TNIK: variants seen among roughly 807,000 people sequenced by gnomAD.
TNIK encodes TRAF2 and NCK-interacting protein kinase.
Under a neutral mutation model 191.3 loss-of-function variants are expected in TNIK, and 49 were observed. The ratio of observed to expected loss-of-function variants is 0.26; its 90% confidence interval spans 0.20 to 0.32. The LOEUF (loss-of-function observed/expected upper bound fraction) is 0.32. TNIK is among the 10% of genes least tolerant of loss of function. The probability of loss-of-function intolerance (pLI) is 1.00; values close to 1 mark genes in which losing one functional copy is unlikely to be tolerated. For synonymous variants in TNIK, 594 were observed against 600.9 expected (o/e 0.99, Z 0.17); for missense variants, 1,155 against 1,702.3 (o/e 0.68, Z 5.66).
At chr3:171,340,118 TG>T in intron 2 of TNIK, among the ~76,000 whole-genome samples, 1 of 152,264 alleles carries the variant, frequency 6.6e-6, no homozygotes, top group South Asian at 2.1e-4. Context: ...TTTGATGACA[TG>T]AAAAAAATGC....
intron 1 of TNIK, among the ~76,000 whole-genome samples, chr3:171,376,743 A>AGAT (rs1204046680): frequency 6.9e-6 from 1 of 143,986 alleles, no homozygotes; most frequent in African/African-American, 2.5e-5. Context: ...ATAGATAGAT[A>AGAT]GATGATAGAT....
chr3:171,434,927 TA>T (rs910619820), intron 1 of TNIK, among the ~76,000 whole-genome samples: 8 of 151,338 alleles, frequency 5.3e-5, no homozygotes, highest in Non-Finnish European at 7.4e-5. Context: ...CAACTGCAAG[TA>T]AAAAAAAACA....
chr3:171,369,485 A>C (rs918443334), intron 2 of TNIK, 135 bp downstream of exon 2: 3 of 553,826 alleles, frequency 5.4e-6, no homozygotes, highest in African/African-American at 1.9e-5. Context: ...TAAAAGATGG[A>C]GAGTCAATCA....
chr3:171,369,659 C>T lies in TNIK; in HGVS notation c.84G>A (p.Val28=), dbSNP rs902712497. The T allele has an allele frequency of 3.4e-5, 54 of 1,575,292 alleles. No homozygotes were observed. Among genetic ancestry groups the T allele is most frequent in the Non-Finnish European group, 4.3e-5 (50 of 1,159,388 alleles). ...CGTATGTTCCATTTCCAACAAGTTC[C>T]ACCAATTCAAAGATCCCTGCGGGGT... ...LRDPAGIFEL[V]ELVGNGTYGQ... The change falls in exon 2 of 33, where the codon GTG becomes GTA. Residue 28 remains valine, a synonymous_variant. Coordinates refer to ENST00000436636, the MANE Select transcript of TNIK (RefSeq NM_015028.4).
intron 16 of TNIK, 127 bp downstream of exon 16, chr3:171,128,587 A>C: frequency 8.4e-7 from 1 of 1,185,310 alleles, no homozygotes; most frequent in Non-Finnish European, 1.1e-6. Flanking sequence ...ATTTTACTAT[A>C]AATTCTATAT....
chr3:171,423,471 G>T (rs554062392), intron 1 of TNIK, among the ~76,000 whole-genome samples: 2 of 152,078 alleles, frequency 1.3e-5, no homozygotes, highest in East Asian at 3.9e-4. Flanking sequence ...TCACAGAATT[G>T]GAAAAAACTA....
At chr3:171,188,530 G>A (rs1737646659) in intron 7 of TNIK, among the ~76,000 whole-genome samples, 172 bp downstream of exon 7, 1 of 152,112 alleles carries the variant, frequency 6.6e-6, no homozygotes, top group Admixed American at 6.5e-5. Flanking sequence ...TAAGATGGGT[G>A]AATTCATTAA....
At position 171,311,824 on chromosome 3, in the gene TNIK, C is replaced by T. The variant is rs533521082; in HGVS notation, c.123+57796G>A. ...AACAAAACCCATCATTAATATTTCC[C>T]TCTTTCATCATCAACTTTCCTGTAA... On this transcript the variant is annotated intron_variant, in intron 2 of 32. Coordinates refer to ENST00000436636, the MANE Select transcript of TNIK (RefSeq NM_015028.4). Among the ~76,000 whole-genome samples the T allele has an allele frequency of 5.3e-5, 8 of 152,224 alleles. No homozygotes were observed. The South Asian group carries it at 1.2e-3, about 24-fold the overall frequency.
At chr3:171,355,052 T>C (rs184802680) in intron 2 of TNIK, among the ~76,000 whole-genome samples, 1 of 152,304 alleles carries the variant, frequency 6.6e-6, no homozygotes, top group Non-Finnish European at 1.5e-5. Context: ...TCTTAATTTA[T>C]GACTATTTAC....
intron 1 of TNIK, among the ~76,000 whole-genome samples, chr3:171,400,971 G>T (rs1030843437): frequency 4.6e-5 from 7 of 152,178 alleles, no homozygotes; most frequent in African/African-American, 1.7e-4. Flanking sequence ...GGGTTTGCCT[G>T]GGAATAGCAG....
intron 2 of TNIK, among the ~76,000 whole-genome samples, chr3:171,288,807 C>CAAAAAAAAA (rs10666822): frequency 2.8e-5 from 3 of 109,052 alleles, no homozygotes; most frequent in African/African-American, 3.5e-5. Flanking sequence ...GACTCCATCT[C>CAAAAAAAAA]AAAAAAAAAA....
intron 2 of TNIK, among the ~76,000 whole-genome samples, chr3:171,281,596 AG>A (rs1208892012): frequency 1.4e-4 from 21 of 151,598 alleles, no homozygotes; most frequent in Admixed American, 1.2e-3. Context: ...TTCTTCCACA[AG>A]GAATGGGCAG....
At chr3:171,279,559 T>C (rs188070485) in intron 2 of TNIK, among the ~76,000 whole-genome samples, 1 of 152,354 alleles carries the variant, frequency 6.6e-6, no homozygotes, top group African/African-American at 2.4e-5. Flanking sequence ...ACTCTGGCTA[T>C]TGGCATCCAT....
intron 23 of TNIK, among the ~76,000 whole-genome samples, chr3:171,093,295 A>C (rs1722300422): frequency 6.6e-6 from 1 of 152,230 alleles, no homozygotes. Context: ...GTTTAAAAAA[A>C]AATTCAACCA....
intron 22 of TNIK, among the ~76,000 whole-genome samples, chr3:171,099,193 CACTGA>C (rs1723116481): frequency 6.6e-6 from 1 of 152,092 alleles, no homozygotes; most frequent in Non-Finnish European, 1.5e-5. Context: ...TCAAATATAA[CACTGA>C]ACTCAAGATA....
At chr3:171,304,361 C>T (rs1157935543) in intron 2 of TNIK, among the ~76,000 whole-genome samples, 1 of 152,092 alleles carries the variant, frequency 6.6e-6, no homozygotes, top group Non-Finnish European at 1.5e-5. Context: ...CAGGAAACAA[C>T]AGGTCCTGGA....
Position 171,107,205 on chromosome 3 carries a change from C to T in TNIK, c.2384G>A (p.Ser795Asn), listed in dbSNP as rs1333541405. 1 of 1,611,632 alleles carries T rather than the reference C, an allele frequency of 6.2e-7. No homozygotes were observed. The highest frequency in any genetic ancestry group is 8.5e-7 in the Non-Finnish European group (1 of 1,179,114). Residue 795 changes from serine (S) to asparagine (N), a missense_variant and splice_region_variant, in exon 21 of 33, where the codon AGC becomes AAC. Ser to Asn is a conservative substitution (Grantham distance 46, BLOSUM62 1). Transcript: ENST00000436636. Reference sequence around the variant, plus strand: ...AACCTCATCTATAGCTTTTTTGTAGCTCTGAAATGAGAGGAACCCAATCCA... The same window carrying T: ...AACCTCATCTATAGCTTTTTTGTAGTTCTGAAATGAGAGGAACCCAATCCA... ...RDITRPSRPA[S>N]YKKAIDEDLT...
At chr3:171,155,818 T>A (rs1459035355) in intron 12 of TNIK, among the ~76,000 whole-genome samples, 1 of 152,204 alleles carries the variant, frequency 6.6e-6, no homozygotes, top group Non-Finnish European at 1.5e-5. Flanking sequence ...TGGAAAAGCA[T>A]ACCAACTTTG....
chr3:171,255,555 G>C (rs1746749471), intron 2 of TNIK, among the ~76,000 whole-genome samples: 1 of 152,174 alleles, frequency 6.6e-6, no homozygotes, highest in African/African-American at 2.4e-5. Flanking sequence ...AAAAAAGGTA[G>C]CCTAAGTACT....
Sources: gnomAD v4.1 joint callset for allele counts (sites outside exome capture counted in the v4.1 genomes callset) on GRCh38, gnomAD v4.1.1 for gene constraint, MANE v1.5 for transcripts, NCBI Gene and HGNC (gene_info 2026-07-23, HGNC 2026-07-21) for gene names.